KIF17: variants seen among roughly 807,000 people sequenced by gnomAD.
The protein encoded by KIF17 is kinesin family member 17.
In KIF17, 80 loss-of-function variants were observed where a neutral mutation model predicts 96.8. The observed-to-expected ratio is 0.83, with a 90% CI of 0.69 to 1.00. KIF17 has a LOEUF of 1.00. Ranked by LOEUF, KIF17 falls within the 50% of genes least tolerant of loss-of-function variation. KIF17 has a pLI of 0.00. For synonymous variants in KIF17, 567 were observed against 587.5 expected (o/e 0.97, Z 0.51); for missense variants, 1,280 against 1,372.9 (o/e 0.93, Z 1.07).
chr1:20,717,414 G>T, intron 1 of KIF17, 62 bp downstream of exon 1: 1 of 1,582,138 alleles, frequency 6.3e-7, no homozygotes, highest in Non-Finnish European at 8.6e-7. Flanking sequence ...GCAGCCCCCT[G>T]GGGACTCTCG....
At chr1:20,713,865 CAAAAACAAACA>C (rs1436515636) in intron 2 of KIF17, among the ~76,000 whole-genome samples, 3 of 151,984 alleles carry the variant, frequency 2.0e-5, no homozygotes, top group Admixed American at 6.6e-5. Flanking sequence ...AAAACAAAAA[CAAAAACAAACA>C]AAAAACAAAC....
At chr1:20,695,126 ACG>A (rs1267949334) in intron 6 of KIF17, among the ~76,000 whole-genome samples, 2 of 135,330 alleles carry the variant, frequency 1.5e-5, no homozygotes, top group African/African-American at 5.5e-5. Flanking sequence ...GCATACACAC[ACG>A]CACACACACG....
rs1467901781 is a variant in KIF17 at position 20,687,385 on chromosome 1, T to A, written c.1938+3A>T. 2 of 1,612,858 alleles carry A rather than the reference T, an allele frequency of 1.2e-6. No homozygotes were observed. The highest frequency in any genetic ancestry group is 1.7e-6 in the Non-Finnish European group (2 of 1,179,988). ...ACATGGCACCATGCGTGACATCAGC[T>A]ACCTGCACAGGGACCTTGGGGACGT... On this transcript the variant is annotated splice_donor_region_variant and intron_variant, in intron 8 of 14. Coordinates refer to ENST00000400463, the MANE Select transcript of KIF17 (RefSeq NM_001122819.3). This position sits in a 1 kb window ranked among gnomAD's most constrained non-coding sequence, Gnocchi z 4.4.
chr1:20,670,955 C>A (rs1227060452), intron 12 of KIF17, among the ~76,000 whole-genome samples: 1 of 152,204 alleles, frequency 6.6e-6, no homozygotes, highest in Admixed American at 6.5e-5. Context: ...TACTCTGAGA[C>A]TCATCAGAGG....
chr1:20,666,371 T>C (rs1221156166), intron 13 of KIF17, 40 bp from the exon 14 acceptor site: 1 of 1,508,726 alleles, frequency 6.6e-7, no homozygotes, highest in African/African-American at 1.4e-5. Flanking sequence ...TCCCCTTGTT[T>C]GTGCCCCTGG....
intron 3 of KIF17, among the ~76,000 whole-genome samples, chr1:20,712,719 T>TATTATC (rs1491165625): frequency 5.2e-4 from 11 of 21,072 alleles, no homozygotes; most frequent in East Asian, 3.1e-3. Flanking sequence ...ATATATAAAA[T>TATTATC]TATATTATAT....
At chr1:20,680,138 C>T (rs1570441585) in intron 11 of KIF17, among the ~76,000 whole-genome samples, 1 of 152,136 alleles carries the variant, frequency 6.6e-6, no homozygotes, top group Non-Finnish European at 1.5e-5. Flanking sequence ...GCATAAGCCA[C>T]CGTGCTTGGC....
intron 13 of KIF17, among the ~76,000 whole-genome samples, chr1:20,667,069 C>G (rs2053542886): frequency 6.6e-6 from 1 of 152,170 alleles, no homozygotes; most frequent in Admixed American, 6.5e-5. Flanking sequence ...TGCTTTAAGA[C>G]AAGGGTTTCC....
At position 20,690,278 on chromosome 1, in the gene KIF17, G is replaced by A. The variant is rs201195116; in HGVS notation, c.1291C>T (p.Arg431Trp). The A allele has an allele frequency of 3.9e-5, 56 of 1,445,858 alleles. No individual in the cohort carries two copies. The East Asian group carries it at 5.6e-4, about 14-fold the overall frequency. The allele number at this position is 1,445,858 out of a possible 1,614,324, so 89.6% of individuals were successfully genotyped here. A position where few individuals can be genotyped will look rare whatever the true frequency, so the allele number is the denominator to read the frequency against. The change falls in exon 7 of 15, where the codon CGG (arginine) becomes TGG (tryptophan). Residue 431 changes from arginine (R) to tryptophan (W), a missense_variant. By Grantham distance (101) the Arg-to-Trp change is moderately radical. Coordinates refer to ENST00000400463, the MANE Select transcript of KIF17 (RefSeq NM_001122819.3). ...GTGATGTCTTCCTCCAGCCTGGCCCGAGACTCCTGCTCGGCCTTATAGTCG... is the reference window on the plus strand; with the variant it reads ...GTGATGTCTTCCTCCAGCCTGGCCCAAGACTCCTGCTCGGCCTTATAGTCG... ...KADYKAEQES[R>W]ARLEEDITAM... is the part of the protein sequence containing the mutation.
chr1:20,714,258 C>T (rs531778650), intron 2 of KIF17, among the ~76,000 whole-genome samples: 11 of 151,928 alleles, frequency 7.2e-5, no homozygotes, highest in East Asian at 3.9e-4. Context: ...ACCCAGGAGG[C>T]GGAGCTTGCA....
At chr1:20,677,800 G>A (rs2053764359) in intron 11 of KIF17, among the ~76,000 whole-genome samples, 1 of 152,230 alleles carries the variant, frequency 6.6e-6, no homozygotes. Context: ...AGATTGCAGT[G>A]AGCCGAGCTC....
rs1413597733 is a variant in KIF17 at position 20,664,455 on chromosome 1, C to T, written c.*129G>A. 1.3e-6 allele frequency: 2 copies of T among 1,583,952 alleles called. No homozygotes were observed. The highest frequency in any genetic ancestry group is 4.5e-5 in the East Asian group (2 of 44,188). On this transcript the variant is annotated 3_prime_UTR_variant, in exon 15 of 15. Coordinates refer to ENST00000400463, the MANE Select transcript of KIF17 (RefSeq NM_001122819.3). ...GAACAGGGAAGGGAATGTGTCTTCC[C>T]AGGGCTGAGGGAGCCCTCAGGCCCC...
chr1:20,683,338 G>A (rs751947517), intron 10 of KIF17, among the ~76,000 whole-genome samples: 1 of 152,194 alleles, frequency 6.6e-6, no homozygotes, highest in Non-Finnish European at 1.5e-5. Context: ...GCTCAAAAAC[G>A]TTTAGAGTTT....
Position 20,690,351 on chromosome 1 carries a change from G to GCC in KIF17, c.1234-17_1234-16insGG. 5.5e-6 allele frequency: 3 copies of GCC among 543,628 alleles called. No individual in the cohort carries two copies. Among genetic ancestry groups the GCC allele is most frequent in the Non-Finnish European group, 7.2e-6 (2 of 276,236 alleles). The allele number at this position is 543,628 out of a possible 1,614,324, so 33.7% of individuals were successfully genotyped here. On this transcript the variant is annotated splice_polypyrimidine_tract_variant and intron_variant, in intron 6 of 14. Coordinates refer to ENST00000400463, the MANE Select transcript of KIF17 (RefSeq NM_001122819.3). ...CTTCATACTCCTGGGGGGGTGGGAG[G>GCC]GACCAGAGGGCAGGCAGCATTTTAT...
intron 11 of KIF17, among the ~76,000 whole-genome samples, chr1:20,677,040 G>A (rs763154203): frequency 1.3e-5 from 2 of 150,542 alleles, no homozygotes; most frequent in African/African-American, 2.4e-5. Flanking sequence ...GTGAAACCCC[G>A]TCGCTACAAA....
Position 20,686,058 on chromosome 1 carries a change from G to A in KIF17, c.2007C>T (p.Phe669=), listed in dbSNP as rs758379251. Residue 669 remains phenylalanine (F), a synonymous_variant, in exon 9 of 15, where the codon TTC becomes TTT. Coordinates refer to ENST00000400463, the MANE Select transcript of KIF17 (RefSeq NM_001122819.3). ...ARPEAEAADD[F]PPRPEVDLAS... Reference sequence around the variant, plus strand: ...GGGAGGTACTCACAGGCCTGGGCGGGAAGTCATCAGCCGCCTCGGCTTCGG... The same window carrying A: ...GGGAGGTACTCACAGGCCTGGGCGGAAAGTCATCAGCCGCCTCGGCTTCGG... 12 of 1,557,474 alleles carry A rather than the reference G, an allele frequency of 7.7e-6. No homozygotes were observed. Among genetic ancestry groups the A allele is most frequent in the Non-Finnish European group, 1.0e-5 (12 of 1,150,180 alleles).
chr1:20,717,526 C>G lies in KIF17; in HGVS notation c.181G>C (p.Asp61His), dbSNP rs770025824. 1 of 1,611,688 alleles carries G rather than the reference C, an allele frequency of 6.2e-7. No individual in the cohort carries two copies. The highest frequency in any genetic ancestry group is 1.1e-5 in the South Asian group (1 of 90,992). The part of the protein sequence containing the change: ...QFTFDGAYHV[D>H]HVTEQIYNEI... ...TTGTAGATCTGCTCGGTGACGTGGT[C>G]CACGTGGTAGGCGCCGTCGAAGGTG... is the stretch of plus-strand genomic sequence containing the variant. The change falls in exon 1 of 15, where the codon GAC becomes CAC. Residue 61 changes from aspartate to histidine, a missense_variant. By Grantham distance (81) the Asp-to-His change is moderately conservative. Transcript: ENST00000400463.
At chr1:20,666,488 A>G (rs534188723) in intron 13 of KIF17, among the ~76,000 whole-genome samples, 157 bp from the exon 14 acceptor site, 15 of 152,182 alleles carry the variant, frequency 9.9e-5, no homozygotes, top group African/African-American at 3.6e-4. Flanking sequence ...GGTGTACCCT[A>G]CACCGTAGAT....
rs948048037 is a variant in KIF17 at position 20,687,253 on chromosome 1, G to A, written c.1938+135C>T. 43 of 980,688 alleles carry A rather than the reference G, an allele frequency of 4.4e-5. No homozygotes were observed. Among genetic ancestry groups the A allele is most frequent in the Admixed American group, 8.9e-5 (5 of 56,494 alleles). 60.7% of individuals were successfully genotyped at this position (980,688 alleles called of 1,614,324 possible). A position where few individuals can be genotyped will look rare whatever the true frequency, so the allele number is the denominator to read the frequency against. On this transcript the variant is annotated intron_variant, in intron 8 of 14. Coordinates refer to ENST00000400463, the MANE Select transcript of KIF17 (RefSeq NM_001122819.3). The surrounding 1 kb of genome is among the most constrained non-coding windows in gnomAD (Gnocchi z 4.4). The stretch of plus-strand genomic sequence containing the variant: ...TGAGCCAGCCACCAGTGCCAGAGCC[G>A]CAGCAGACACAGTGGAGCCACGGCC...
Sources: allele counts gnomAD v4.1 joint callset (sites outside exome capture counted in the v4.1 genomes callset), GRCh38; gene constraint gnomAD v4.1.1; non-coding constraint Gnocchi (gnomAD v3.1); transcripts MANE v1.5; gene names NCBI Gene and HGNC (gene_info 2026-07-23, HGNC 2026-07-21).